The following BBS9 variants were observed in gnomAD, a reference collection of about 807,000 sequenced individuals.
BBS9 encodes protein PTHB1.
Under a neutral mutation model 117.7 loss-of-function variants are expected in BBS9, and 89 were observed. The ratio of observed to expected loss-of-function variants is 0.76; its 90% CI spans 0.64 to 0.90. The LOEUF (loss-of-function observed/expected upper bound fraction) is 0.90, where lower values mean the gene tolerates loss of function less well. Ranked by LOEUF, BBS9 falls within the 40% of genes least tolerant of loss-of-function variation. The pLI is 0.00. For synonymous variants in BBS9, 379 were observed against 370.9 expected (o/e 1.02, Z -0.25); for missense variants, 982 against 1,042.2 (o/e 0.94, Z 0.80).
chr7:33,462,917 G>A (rs532932528), intron 19 of BBS9, among the ~76,000 whole-genome samples: 55 of 152,190 alleles, frequency 3.6e-4, no homozygotes, highest in African/African-American at 1.3e-3. Flanking sequence ...ATATTTAAAG[G>A]AAACCTGAGT....
intron 20 of BBS9, among the ~76,000 whole-genome samples, chr7:33,516,528 T>C (rs1042943722): frequency 7.0e-6 from 1 of 142,684 alleles, no homozygotes; most frequent in Non-Finnish European, 1.5e-5. Context: ...ATGGAACACA[T>C]TTGTAAGCAC....
At chr7:33,489,940 A>C (rs1843674568) in intron 19 of BBS9, among the ~76,000 whole-genome samples, 1 of 152,220 alleles carries the variant, frequency 6.6e-6, no homozygotes, top group Non-Finnish European at 1.5e-5. Flanking sequence ...GAATTTAAAC[A>C]AAAAGTGGCT....
chr7:33,152,333 C>T (rs1793471126), intron 2 of BBS9, among the ~76,000 whole-genome samples: 1 of 152,062 alleles, frequency 6.6e-6, no homozygotes, highest in African/African-American at 2.4e-5. Flanking sequence ...TTTTCGACAG[C>T]CACAAGCAGT....
At chr7:33,595,163 C>G (rs944500953) in intron 21 of BBS9, among the ~76,000 whole-genome samples, 2 of 152,094 alleles carry the variant, frequency 1.3e-5, no homozygotes, top group Non-Finnish European at 2.9e-5. Flanking sequence ...CCGCCAAAAG[C>G]AATTGCAACA....
At chr7:33,353,366 A>G (rs983254069) in intron 15 of BBS9, among the ~76,000 whole-genome samples, 2 of 152,150 alleles carry the variant, frequency 1.3e-5, no homozygotes, top group African/African-American at 4.8e-5. Flanking sequence ...GAATGTTATC[A>G]AACATCTGAC....
intron 9 of BBS9, among the ~76,000 whole-genome samples, chr7:33,320,872 A>G (rs1811568991): frequency 6.6e-6 from 1 of 151,996 alleles, no homozygotes; most frequent in Non-Finnish European, 1.5e-5. Context: ...GAGATAAAAG[A>G]TTTCAGTCTT....
Position 33,203,847 on chromosome 7 carries a change from C to T in BBS9, c.442+26256C>T, listed in dbSNP as rs567389895. Among the ~76,000 whole-genome samples, 791 of 151,708 alleles carry T rather than the reference C, an allele frequency of 5.2e-3. 11 individuals are homozygous for T. Among genetic ancestry groups the T allele is most frequent in the African/African-American group, 0.018 (746 of 41,408 alleles). On this transcript the variant is annotated intron_variant, in intron 5 of 22. Coordinates refer to ENST00000242067, the MANE Select transcript of BBS9 (RefSeq NM_198428.3). ...AAGCAATTCTCCTGCCTCAGCCTCCCGAATAGCTGGGATTACAGGCGTGTG... is the reference window on the plus strand; with the variant it reads ...AAGCAATTCTCCTGCCTCAGCCTCCTGAATAGCTGGGATTACAGGCGTGTG...
intron 19 of BBS9, among the ~76,000 whole-genome samples, chr7:33,391,785 A>C (rs1584627806): frequency 6.6e-6 from 1 of 152,180 alleles, no homozygotes; most frequent in East Asian, 1.9e-4. Flanking sequence ...AATACTTGGT[A>C]CCTATTTATG....
At chr7:33,141,289 G>T (rs1791418542) in intron 1 of BBS9, among the ~76,000 whole-genome samples, 1 of 152,154 alleles carries the variant, frequency 6.6e-6, no homozygotes, top group Non-Finnish European at 1.5e-5. Flanking sequence ...GGGCGTGTTG[G>T]CAGGTGTCTG....
rs946999139 is a variant in BBS9 at position 33,257,337 on chromosome 7, G to T, written c.544G>T (p.Gly182Cys). 1 of 1,613,854 alleles carries T rather than the reference G, an allele frequency of 6.2e-7. No individual in the cohort carries two copies. Among genetic ancestry groups the T allele is most frequent in the Admixed American group, 1.7e-5 (1 of 60,016 alleles). The part of the protein sequence containing the change: ...GRFLPGFLLP[G>C]PLAYSSRTDS... Reference sequence around the variant, plus strand: ...ATTTCTCCCTGGCTTTCTTCTGCCTGGTCCTCTTGCCTACAGTTCCCGTAC... The same window carrying T: ...ATTTCTCCCTGGCTTTCTTCTGCCTTGTCCTCTTGCCTACAGTTCCCGTAC... Residue 182 changes from glycine to cysteine, a missense_variant, in exon 6 of 23, where the codon GGT (glycine) becomes TGT (cysteine). Transcript: ENST00000242067.
chr7:33,420,847 GCT>G (rs1363677170), intron 19 of BBS9, among the ~76,000 whole-genome samples: 1 of 152,144 alleles, frequency 6.6e-6, no homozygotes, highest in Non-Finnish European at 1.5e-5. Context: ...TTCTTGCCAG[GCT>G]CTGTGTTTGC....
At chr7:33,405,416 A>T (rs866872369) in intron 19 of BBS9, among the ~76,000 whole-genome samples, 1 of 152,226 alleles carries the variant, frequency 6.6e-6, no homozygotes, top group African/African-American at 2.4e-5. Flanking sequence ...TTCAGAAGGA[A>T]TGGTACCAGT....
At chr7:33,508,055 G>A (rs1846396689) in intron 20 of BBS9, among the ~76,000 whole-genome samples, 1 of 152,174 alleles carries the variant, frequency 6.6e-6, no homozygotes, top group Non-Finnish European at 1.5e-5. Context: ...AGACTCATAT[G>A]CAGAATCAAC....
chr7:33,618,064 G>A (rs771002442), intron 21 of BBS9, among the ~76,000 whole-genome samples: 1 of 152,128 alleles, frequency 6.6e-6, no homozygotes, highest in Admixed American at 6.6e-5. Flanking sequence ...CACATGCTGG[G>A]CATGGTGTCT....
At chr7:33,620,937 TTTACAGTCAACTGA>T (rs1486323397) in intron 21 of BBS9, among the ~76,000 whole-genome samples, 1 of 152,160 alleles carries the variant, frequency 6.6e-6, no homozygotes, top group African/African-American at 2.4e-5. Flanking sequence ...ATTCCATGTG[TTTACAGTCAACTGA>T]TCTTTAACAA....
At chr7:33,268,104 A>G (rs1211637144) in intron 7 of BBS9, among the ~76,000 whole-genome samples, 3 of 152,196 alleles carry the variant, frequency 2.0e-5, no homozygotes, top group Non-Finnish European at 4.4e-5. Flanking sequence ...TTCACTCAGA[A>G]TTATGAGGTT....
intron 20 of BBS9, among the ~76,000 whole-genome samples, chr7:33,518,866 T>G (rs1247120922): frequency 6.6e-6 from 1 of 152,218 alleles, no homozygotes; most frequent in Non-Finnish European, 1.5e-5. Context: ...TAACATTGAA[T>G]GATGTGCAGC....
intron 21 of BBS9, among the ~76,000 whole-genome samples, chr7:33,537,187 A>G (rs1478973464): frequency 6.6e-6 from 1 of 152,182 alleles, no homozygotes; most frequent in African/African-American, 2.4e-5. Flanking sequence ...CATGTTCCCT[A>G]TTAAATTGCA....
intron 19 of BBS9, among the ~76,000 whole-genome samples, chr7:33,389,202 A>G (rs1826572270): frequency 6.6e-6 from 1 of 151,946 alleles, no homozygotes. Context: ...ATCCGCCACC[A>G]CATTCTAGAC....
Sources: gnomAD v4.1 joint callset for allele counts (sites outside exome capture counted in the v4.1 genomes callset) on GRCh38, gnomAD v4.1.1 for gene constraint, MANE v1.5 for transcripts, NCBI Gene and HGNC (gene_info 2026-07-23, HGNC 2026-07-21) for gene names.